The following NPC1L1 variants were observed in gnomAD, a reference collection of about 807,000 sequenced individuals.
NPC1L1 encodes the protein NPC1 like intracellular cholesterol transporter 1, also known as NPC1-like intracellular cholesterol transporter 1.
NPC1L1 carries 98 observed loss-of-function variants against 117.0 expected under a neutral mutation model. That is an observed-to-expected ratio of 0.84 (90% CI 0.71 to 0.99). NPC1L1 has a LOEUF of 0.99. Ranked by LOEUF, NPC1L1 falls within the 50% of genes least tolerant of loss-of-function variation. NPC1L1 has a pLI of 0.00. For missense variants in NPC1L1, 1,540 were observed against 1,710.0 expected, an observed-to-expected ratio of 0.90 and a Z score of 1.75; for synonymous variants, 729 against 727.6, an observed-to-expected ratio of 1.00 and a Z score of -0.03.
Position 44,533,492 on chromosome 7 carries a change from T to A in NPC1L1, c.2348A>T (p.Asp783Val), listed in dbSNP as rs772419906. 3 of 1,614,054 alleles carry A rather than the reference T, an allele frequency of 1.9e-6. No homozygotes were observed. The highest frequency in any genetic ancestry group is 2.5e-6 in the Non-Finnish European group (3 of 1,180,002). Residue 783 changes from aspartate (D) to valine (V), a missense_variant, in exon 8 of 19, where the codon GAC (aspartate) becomes GTC (valine). By Grantham distance (152) the Asp-to-Val change is radical. Transcript: ENST00000381160. ...AAAGGCTGACATCTGCAGGAGGAAG[T>A]CAAGGATCACTGCAAGGCCAGAGGT... Reference protein sequence around the residue: ...ALTSGLAVILDFLLQMSAFVA... With the variant: ...ALTSGLAVILVFLLQMSAFVA...
chr7:44,540,626 C>G (rs975755709), intron 1 of NPC1L1, among the ~76,000 whole-genome samples: 1 of 151,992 alleles, frequency 6.6e-6, no homozygotes, highest in Non-Finnish European at 1.5e-5. Context: ...CTCCAAGGTC[C>G]CGGGCTCTGC....
At chr7:44,517,169 A>AC in intron 15 of NPC1L1, 38 bp downstream of exon 15, 6 of 1,612,596 alleles carry the variant, frequency 3.7e-6, no homozygotes, top group Non-Finnish European at 5.1e-6. Context: ...CAGCAACCAT[A>AC]CCCCACCTCC....
At position 44,513,146 on chromosome 7, in the gene NPC1L1, T is replaced by G; in HGVS notation, c.*301A>C. ...AGAAGTGGGCTCCTAGGAAAGTGAGTGAGTGTGGGACAAACATGGAGTGTG... is the reference window on the plus strand; with the variant it reads ...AGAAGTGGGCTCCTAGGAAAGTGAGGGAGTGTGGGACAAACATGGAGTGTG... On this transcript the variant is annotated 3_prime_UTR_variant, in exon 19 of 19. Coordinates refer to ENST00000381160, the MANE Select transcript of NPC1L1 (RefSeq NM_001101648.2). 2.2e-6 allele frequency: 1 copy of G among 446,454 alleles called. No homozygotes were observed. The highest frequency in any genetic ancestry group is 2.3e-5 in the South Asian group (1 of 44,296). 27.7% of individuals were successfully genotyped at this position (446,454 alleles called of 1,614,324 possible). A position where few individuals can be genotyped will look rare whatever the true frequency, so the allele number is the denominator to read the frequency against.
At chr7:44,533,251 A>G in intron 8 of NPC1L1, 180 bp downstream of exon 8, 2 of 700,312 alleles carry the variant, frequency 2.9e-6, no homozygotes, top group South Asian at 3.8e-5. Context: ...TTGTCAAAAC[A>G]AATTTATTTT....
At chr7:44,524,389 G>A (rs1395476807) in intron 10 of NPC1L1, among the ~76,000 whole-genome samples, 1 of 151,970 alleles carries the variant, frequency 6.6e-6, no homozygotes, top group African/African-American at 2.4e-5. Flanking sequence ...CCCATTCAAA[G>A]GGAAAATATT....
At chr7:44,520,517 C>G (rs968550964) in intron 14 of NPC1L1, among the ~76,000 whole-genome samples, 1 of 152,054 alleles carries the variant, frequency 6.6e-6, no homozygotes, top group African/African-American at 2.4e-5. Flanking sequence ...GTGGAGAACT[C>G]CCAAGTATGG....
At position 44,540,163 on chromosome 7, in the gene NPC1L1, G is replaced by A; in HGVS notation, c.234C>T (p.Cys78=). 6.2e-7 allele frequency: 1 copy of A among 1,614,088 alleles called. No homozygotes were observed. The change falls in exon 2 of 19, where the codon TGC becomes TGT. Residue 78 remains cysteine (C), a synonymous_variant. Transcript: ENST00000381160. ...TGTTGGGGCCGGTGTAGAGGCGGGG[G>A]CAGATCTTCTGTAATAGGATCAGGT... ...GDHLILLQKI[C]PRLYTGPNTQ... is the part of the protein sequence containing the mutation.
At chr7:44,522,996 G>A (rs79046763) in intron 10 of NPC1L1, among the ~76,000 whole-genome samples, 2,718 of 152,268 alleles carry the variant, frequency 0.018, 81 homozygotes, top group African/African-American at 0.062. Flanking sequence ...GGCACAGTAG[G>A]AAGTGTCAGG....
rs1340201209 is a variant in NPC1L1, at chr7:44,516,702, C to T, written c.3519+1G>A. ...CCTGGTGCCTGTGTCTGCTGGGTTA[C>T]CGAGACCAGGTTGATGAGGGACACA... is the stretch of plus-strand genomic sequence containing the variant. On this transcript the variant is annotated splice_donor_variant, in intron 16 of 18. Coordinates refer to ENST00000381160, the MANE Select transcript of NPC1L1 (RefSeq NM_001101648.2). LOFTEE classifies it high-confidence loss of function. The T allele has an allele frequency of 6.2e-7, 1 of 1,607,232 alleles. No individual in the cohort carries two copies. Among genetic ancestry groups the T allele is most frequent in the East Asian group, 2.2e-5 (1 of 44,586 alleles).
chr7:44,540,289 A>G lies in NPC1L1; in HGVS notation c.108T>C (p.Tyr36=). ...TIHQPGYCAF[Y]DECGKNPELS... is the part of the protein sequence containing the mutation. ...GCTCTGGGTTCTTCCCACATTCGTC[A>G]TAGAAGGCGCAGTAGCCAGGCTGGT... is the stretch of plus-strand genomic sequence containing the variant. The change falls in exon 2 of 19, where the codon TAT becomes TAC. Residue 36 remains tyrosine, a synonymous_variant. Coordinates refer to ENST00000381160, the MANE Select transcript of NPC1L1 (RefSeq NM_001101648.2). 3 of 1,613,922 alleles carry G rather than the reference A, an allele frequency of 1.9e-6. No individual in the cohort carries two copies. Among genetic ancestry groups the G allele is most frequent in the Non-Finnish European group, 2.5e-6 (3 of 1,180,020 alleles).
intron 1 of NPC1L1, among the ~76,000 whole-genome samples, chr7:44,540,623 G>T (rs1194956836): frequency 6.6e-6 from 1 of 152,046 alleles, no homozygotes. Flanking sequence ...TGACTCCAAG[G>T]TCCCGGGCTC....
intron 18 of NPC1L1, among the ~76,000 whole-genome samples, chr7:44,515,046 A>T (rs1278248792): frequency 6.6e-6 from 1 of 151,776 alleles, no homozygotes; most frequent in Non-Finnish European, 1.5e-5. Context: ...AAAGTAAAAT[A>T]AAATAAATAA....
Position 44,534,342 on chromosome 7 carries a change from C to T in NPC1L1, c.2166+105G>A. On this transcript the variant is annotated intron_variant, in intron 6 of 18. Coordinates refer to ENST00000381160, the MANE Select transcript of NPC1L1 (RefSeq NM_001101648.2). This position sits in a 1 kb window ranked among gnomAD's most constrained non-coding sequence, Gnocchi z 5.2. ...ATGCGTGTCGATGAACAGAAAGAGT[C>T]TGCAGGGAGACCCAGCAAATTCACG... is the stretch of plus-strand genomic sequence containing the variant. The T allele has an allele frequency of 9.4e-7, 1 of 1,061,306 alleles. No individual in the cohort carries two copies. The highest frequency in any genetic ancestry group is 1.5e-6 in the Non-Finnish European group (1 of 676,662). The allele number at this position is 1,061,306 out of a possible 1,614,324, so 65.7% of individuals were successfully genotyped here.
intron 11 of NPC1L1, 86 bp downstream of exon 11, chr7:44,521,966 T>C: frequency 6.3e-7 from 1 of 1,593,778 alleles, no homozygotes; most frequent in Non-Finnish European, 8.6e-7. Context: ...AGGACAGGGA[T>C]AGAACATCAG....
At chr7:44,526,650 G>A (rs1160965635) in intron 10 of NPC1L1, among the ~76,000 whole-genome samples, 1 of 151,970 alleles carries the variant, frequency 6.6e-6, no homozygotes, top group East Asian at 1.9e-4. Flanking sequence ...TGAGACACGA[G>A]GATCACCTGA....
rs1385503746 is a variant in NPC1L1, at chr7:44,513,354, T to G, written c.*93A>C. On this transcript the variant is annotated 3_prime_UTR_variant, in exon 19 of 19. Coordinates refer to ENST00000381160, the MANE Select transcript of NPC1L1 (RefSeq NM_001101648.2). ...CATGGGAATGGCCTCCCCTAGGATT[T>G]GAGGAGGGCGTGTGTCAAGGGGCAG... The G allele has an allele frequency of 2.4e-6, 3 of 1,229,662 alleles. No homozygotes were observed. In the African/African-American group the frequency reaches 4.4e-5, roughly 18 times the overall value. The allele number at this position is 1,229,662 out of a possible 1,614,324, so 76.2% of individuals were successfully genotyped here.
Position 44,538,685 on chromosome 7 carries a change from G to A in NPC1L1, c.1580+132C>T, listed in dbSNP as rs1801973741. On this transcript the variant is annotated intron_variant, in intron 2 of 18. Coordinates refer to ENST00000381160, the MANE Select transcript of NPC1L1 (RefSeq NM_001101648.2). This position sits in a 1 kb window ranked among gnomAD's most constrained non-coding sequence, Gnocchi z 5.9. The stretch of plus-strand genomic sequence containing the variant: ...AGAGATAATCATCTGGGCGGCCCCA[G>A]GCCAGAGCCGTAGGAATAGCTACCT... 2 of 932,952 alleles carry A rather than the reference G, an allele frequency of 2.1e-6. No individual in the cohort carries two copies. The highest frequency in any genetic ancestry group is 3.4e-6 in the Non-Finnish European group (2 of 581,166). 57.8% of individuals were successfully genotyped at this position (932,952 alleles called of 1,614,324 possible).
At position 44,515,834 on chromosome 7, in the gene NPC1L1, C is replaced by T. The variant is rs770500729; in HGVS notation, c.3765G>A (p.Leu1255=). The stretch of plus-strand genomic sequence containing the variant: ...AGCTGAGGATGACGGGCAGGAAGAC[C>T]AAGCCATGCAGCAGGCCCAGCAGAG... ...LITLLGLLHG[L]VFLPVILSYV... The change falls in exon 18 of 19, where the codon TTG becomes TTA. Residue 1255 remains leucine, a synonymous_variant. Coordinates refer to ENST00000381160, the MANE Select transcript of NPC1L1 (RefSeq NM_001101648.2). The T allele has an allele frequency of 1.9e-6, 3 of 1,614,116 alleles. No individual in the cohort carries two copies. Among genetic ancestry groups the T allele is most frequent in the Non-Finnish European group, 2.5e-6 (3 of 1,180,024 alleles).
chr7:44,536,166 A>G lies in NPC1L1; in HGVS notation c.1854+90T>C, dbSNP rs1312982841. The G allele has an allele frequency of 1.9e-5, 30 of 1,588,348 alleles. No individual in the cohort carries two copies. The highest frequency in any genetic ancestry group is 2.5e-5 in the Non-Finnish European group (29 of 1,159,006). ...AGGCAGCCACTGCCCAGGGTCACTT[A>G]GGAAGGGCCAGGGCCAGGATGGGGA... On this transcript the variant is annotated intron_variant, in intron 4 of 18. Transcript: ENST00000381160. The surrounding 1 kb of genome is among the most constrained non-coding windows in gnomAD (Gnocchi z 4.7).
Sources: allele counts gnomAD v4.1 joint callset (sites outside exome capture counted in the v4.1 genomes callset), GRCh38; gene constraint gnomAD v4.1.1; non-coding constraint Gnocchi (gnomAD v3.1); transcripts MANE v1.5; gene names NCBI Gene and HGNC (gene_info 2026-07-23, HGNC 2026-07-21).